Variants in PTPRD observed in about 807,000 individuals in gnomAD.
The protein encoded by PTPRD is receptor-type tyrosine-protein phosphatase delta.
In PTPRD, 34 loss-of-function variants were observed where a neutral mutation model predicts 214.5. The observed-to-expected ratio is 0.16, with a 90% CI of 0.12 to 0.21. The LOEUF is 0.21. PTPRD is among the 10% of genes least tolerant of loss of function. PTPRD has a pLI of 1.00. For missense variants in PTPRD, 2,545 were observed against 2,398.7 expected, an observed-to-expected ratio of 1.06 and a Z score of -1.27; for synonymous variants, 1,128 against 845.7, an observed-to-expected ratio of 1.33 and a Z score of -5.79.
intron 8 of PTPRD, among the ~76,000 whole-genome samples, chr9:9,484,222 A>G (rs1017732725): frequency 9.9e-5 from 15 of 152,200 alleles, no homozygotes; most frequent in African/African-American, 3.6e-4. Context: ...AAAAAAAATA[A>G]CAAATGAAAC....
intron 34 of PTPRD, among the ~76,000 whole-genome samples, chr9:8,448,744 A>G (rs1337076109): frequency 1.3e-5 from 2 of 152,220 alleles, no homozygotes; most frequent in Admixed American, 1.3e-4. Context: ...TATGCTGAAC[A>G]TAATAAACCA....
chr9:9,003,641 G>C (rs1368575506), intron 11 of PTPRD, among the ~76,000 whole-genome samples: 1 of 152,050 alleles, frequency 6.6e-6, no homozygotes, highest in Non-Finnish European at 1.5e-5. Flanking sequence ...GCAGTAAGTA[G>C]ATTGTGAATG....
chr9:9,797,182 T>C (rs1253421456), intron 5 of PTPRD, among the ~76,000 whole-genome samples: 2 of 149,282 alleles, frequency 1.3e-5, no homozygotes, highest in Non-Finnish European at 3.0e-5. Flanking sequence ...ATACAACATA[T>C]GCATAAAATA....
chr9:8,722,232 C>G (rs541393670), intron 12 of PTPRD, among the ~76,000 whole-genome samples: 1 of 150,756 alleles, frequency 6.6e-6, no homozygotes, highest in East Asian at 2.0e-4. Context: ...CTCATTTAAA[C>G]TTCACAGGAG....
chr9:8,602,283 C>T (rs111262513), intron 14 of PTPRD, among the ~76,000 whole-genome samples: 122 of 152,156 alleles, frequency 8.0e-4, no homozygotes, highest in African/African-American at 2.8e-3. Flanking sequence ...CTGTAAAGAC[C>T]CCTAGATATT....
intron 12 of PTPRD, among the ~76,000 whole-genome samples, chr9:8,711,364 C>A (rs1044940894): frequency 6.6e-6 from 1 of 151,906 alleles, no homozygotes; most frequent in Non-Finnish European, 1.5e-5. Flanking sequence ...AAATATATTT[C>A]TATCATGACT....
At chr9:10,515,480 T>C (rs573998429) in intron 2 of PTPRD, among the ~76,000 whole-genome samples, 1 of 152,048 alleles carries the variant, frequency 6.6e-6, no homozygotes, top group East Asian at 1.9e-4. Context: ...GGAGCTATGA[T>C]CTTATGAATA....
At chr9:8,441,900 G>C (rs1425653714) in intron 34 of PTPRD, among the ~76,000 whole-genome samples, 1 of 152,138 alleles carries the variant, frequency 6.6e-6, no homozygotes, top group Non-Finnish European at 1.5e-5. Context: ...ACGCCATGCT[G>C]TCTTTCCAAC....
intron 3 of PTPRD, among the ~76,000 whole-genome samples, chr9:10,153,966 T>C (rs1251344590): frequency 6.6e-6 from 1 of 152,156 alleles, no homozygotes; most frequent in Non-Finnish European, 1.5e-5. Flanking sequence ...TGTATTTTTA[T>C]GATAGAATGA....
intron 4 of PTPRD, among the ~76,000 whole-genome samples, chr9:9,974,255 G>A (rs1041049234): frequency 1.6e-4 from 25 of 152,290 alleles, no homozygotes; most frequent in Non-Finnish European, 2.6e-4. Context: ...CTCTCCAGAT[G>A]TTTAAATTAT....
At chr9:8,831,372 T>C (rs140418821) in intron 11 of PTPRD, among the ~76,000 whole-genome samples, 326 of 152,316 alleles carry the variant, frequency 2.1e-3, no homozygotes, top group African/African-American at 7.5e-3. Context: ...AAAATACACT[T>C]GGCTTGCTTC....
intron 8 of PTPRD, among the ~76,000 whole-genome samples, chr9:9,490,235 C>G (rs552352822): frequency 1.3e-5 from 2 of 152,080 alleles, no homozygotes; most frequent in South Asian, 2.1e-4. Flanking sequence ...ACCACTAAAC[C>G]TACCCTGCAA....
At chr9:9,008,271 C>T (rs1430549325) in intron 11 of PTPRD, among the ~76,000 whole-genome samples, 2 of 147,066 alleles carry the variant, frequency 1.4e-5, no homozygotes, top group African/African-American at 2.5e-5. Context: ...CTCTGTTGCC[C>T]AGGCTGGAGT....
intron 11 of PTPRD, among the ~76,000 whole-genome samples, chr9:8,806,798 A>G (rs2096692157): frequency 6.6e-6 from 1 of 152,206 alleles, no homozygotes; most frequent in Non-Finnish European, 1.5e-5. Context: ...TTTAAAAACC[A>G]CTTTGCCCAA....
intron 5 of PTPRD, among the ~76,000 whole-genome samples, chr9:9,864,364 T>C (rs1313255291): frequency 1.3e-5 from 2 of 151,042 alleles, no homozygotes; most frequent in Non-Finnish European, 2.9e-5. Flanking sequence ...TATACAGATA[T>C]AGCTATGAAG....
intron 10 of PTPRD, among the ~76,000 whole-genome samples, chr9:9,118,595 T>C (rs1209160285): frequency 6.6e-6 from 1 of 152,124 alleles, no homozygotes; most frequent in African/African-American, 2.4e-5. Flanking sequence ...ATACATCTCC[T>C]CCCTTAAAAA....
rs1001504202 is a variant in PTPRD at position 9,685,477 on chromosome 9, T to G, written c.-287+49056A>C. Among the ~76,000 whole-genome samples, 3 of 151,404 alleles carry G rather than the reference T, an allele frequency of 2.0e-5. No individual in the cohort carries two copies. The Admixed American group carries it at 2.0e-4, about 10-fold the overall frequency. On this transcript the variant is annotated intron_variant, in intron 7 of 45. Transcript: ENST00000381196. ...TTACTTTTACATTTCATGATTTAAATGCTTTCAAGTGTCTAACTTTTGTGT... is the reference window on the plus strand; with the variant it reads ...TTACTTTTACATTTCATGATTTAAAGGCTTTCAAGTGTCTAACTTTTGTGT...
At chr9:9,301,819 T>C (rs1482920864) in intron 9 of PTPRD, among the ~76,000 whole-genome samples, 1 of 151,904 alleles carries the variant, frequency 6.6e-6, no homozygotes, top group Admixed American at 6.6e-5. Flanking sequence ...TCATAAGAGA[T>C]ATGTCCCTAG....
intron 14 of PTPRD, among the ~76,000 whole-genome samples, chr9:8,564,577 C>G (rs1321704513): frequency 2.0e-5 from 3 of 152,072 alleles, no homozygotes; most frequent in Non-Finnish European, 4.4e-5. Flanking sequence ...TAGTGCGTGC[C>G]TGTAATCCCG....
Sources: allele counts gnomAD v4.1 joint callset (sites outside exome capture counted in the v4.1 genomes callset), GRCh38; gene constraint gnomAD v4.1.1; transcripts MANE v1.5; gene names NCBI Gene and HGNC (gene_info 2026-07-23, HGNC 2026-07-21).